Variants in FAM171A1 observed in about 807,000 individuals in gnomAD.
FAM171A1 encodes protein FAM171A1.
Under a neutral mutation model 74.9 loss-of-function variants are expected in FAM171A1, and 23 were observed. That is an observed-to-expected ratio of 0.31 (90% CI 0.22 to 0.44). FAM171A1 has a LOEUF of 0.44. FAM171A1 is among the 20% of genes least tolerant of loss of function. The pLI is 1.00. For missense variants in FAM171A1, 1,162 were observed against 1,159.2 expected, an observed-to-expected ratio of 1.00 and a Z score of -0.03; for synonymous variants, 527 against 505.7, an observed-to-expected ratio of 1.04 and a Z score of -0.57.
intron 5 of FAM171A1, among the ~76,000 whole-genome samples, chr10:15,246,914 A>G (rs1267163662): frequency 6.6e-6 from 1 of 152,252 alleles, no homozygotes; most frequent in East Asian, 1.9e-4. Flanking sequence ...GCCCGAGCAC[A>G]TGCTCGTGGG....
At chr10:15,254,499 G>A (rs1834550385) in intron 4 of FAM171A1, among the ~76,000 whole-genome samples, 1 of 152,228 alleles carries the variant, frequency 6.6e-6, no homozygotes, top group African/African-American at 2.4e-5. Context: ...ACTGGTAACA[G>A]AAGAAAAGCT....
At chr10:15,263,725 A>ATCTATCTATCTGTCTG (rs1564626581) in intron 3 of FAM171A1, among the ~76,000 whole-genome samples, 1 of 122,152 alleles carries the variant, frequency 8.2e-6, no homozygotes, top group South Asian at 2.5e-4. Context: ...CTATCAATCT[A>ATCTATCTATCTGTCTG]TCTATCTATC....
chr10:15,261,472 T>C (rs1020418872), intron 3 of FAM171A1, among the ~76,000 whole-genome samples: 7 of 152,286 alleles, frequency 4.6e-5, no homozygotes, highest in Middle Eastern at 3.4e-3. Context: ...TTTAACTCCC[T>C]AAAACATCAA....
intron 1 of FAM171A1, among the ~76,000 whole-genome samples, chr10:15,306,467 C>A (rs7913862): frequency 6.6e-6 from 1 of 151,914 alleles, no homozygotes; most frequent in South Asian, 2.1e-4. Flanking sequence ...TGGGTTCAAG[C>A]GATTCTCCTG....
At chr10:15,330,713 CT>C (rs898772126) in intron 1 of FAM171A1, among the ~76,000 whole-genome samples, 1,160 of 76,734 alleles carry the variant, frequency 0.015, 8 homozygotes, top group African/African-American at 0.055. Flanking sequence ...TCTTCTTCTT[CT>C]TTTTTTTTTT....
chr10:15,212,820 C>T lies in FAM171A1; in HGVS notation c.*95G>A. 1 of 1,502,244 alleles carries T rather than the reference C, an allele frequency of 6.7e-7. No individual in the cohort carries two copies. The highest frequency in any genetic ancestry group is 9.0e-7 in the Non-Finnish European group (1 of 1,115,376). 93.1% of individuals were successfully genotyped at this position (1,502,244 alleles called of 1,614,324 possible). On this transcript the variant is annotated 3_prime_UTR_variant, in exon 8 of 8. Transcript: ENST00000378116. ...CGTCCACGTCCGTCCCACGGCTGGG[C>T]TGCCGTTCCGTTTCCTCCACGAACG...
At chr10:15,365,705 G>A (rs1392954337) in intron 1 of FAM171A1, among the ~76,000 whole-genome samples, 13 of 151,596 alleles carry the variant, frequency 8.6e-5, no homozygotes, top group Non-Finnish European at 1.6e-4. Context: ...GGGAGGCAGA[G>A]GTTGCAGTGA....
At chr10:15,281,201 G>C (rs781009694) in intron 2 of FAM171A1, among the ~76,000 whole-genome samples, 1 of 152,168 alleles carries the variant, frequency 6.6e-6, no homozygotes, top group Non-Finnish European at 1.5e-5. Flanking sequence ...GAAGCTTCCT[G>C]AGGCTTCCCC....
chr10:15,348,883 A>C (rs1176247111), intron 1 of FAM171A1, among the ~76,000 whole-genome samples: 1 of 152,130 alleles, frequency 6.6e-6, no homozygotes, highest in African/African-American at 2.4e-5. Context: ...TCATTTTATC[A>C]CACTTTCATT....
intron 5 of FAM171A1, among the ~76,000 whole-genome samples, chr10:15,248,124 C>T (rs1199142681): frequency 1.3e-5 from 2 of 152,166 alleles, no homozygotes; most frequent in Non-Finnish European, 2.9e-5. Context: ...TGTTACACAG[C>T]AGTTGATAAC....
chr10:15,283,330 C>G (rs1834993730), intron 2 of FAM171A1, among the ~76,000 whole-genome samples: 1 of 152,214 alleles, frequency 6.6e-6, no homozygotes, highest in Admixed American at 6.5e-5. Context: ...CCTTCCCTCT[C>G]TCCTGTCCAT....
At chr10:15,325,668 G>T (rs752762138) in intron 1 of FAM171A1, among the ~76,000 whole-genome samples, 2 of 152,130 alleles carry the variant, frequency 1.3e-5, no homozygotes, top group Non-Finnish European at 2.9e-5. Context: ...GTAGAATCAA[G>T]CTTTGATATT....
At chr10:15,299,359 G>T (rs1835200274) in intron 1 of FAM171A1, among the ~76,000 whole-genome samples, 2 of 152,244 alleles carry the variant, frequency 1.3e-5, no homozygotes, top group African/African-American at 2.4e-5. Flanking sequence ...CAGCTTCAAA[G>T]ATCTGTTGGA....
intron 5 of FAM171A1, among the ~76,000 whole-genome samples, chr10:15,224,941 T>C (rs924385287): frequency 5.9e-5 from 9 of 152,112 alleles, no homozygotes; most frequent in Non-Finnish European, 1.2e-4. Context: ...CCTCATATAG[T>C]TTTTCTCTCT....
At chr10:15,276,997 A>C (rs979770120) in intron 2 of FAM171A1, among the ~76,000 whole-genome samples, 1 of 152,150 alleles carries the variant, frequency 6.6e-6, no homozygotes, top group African/African-American at 2.4e-5. Flanking sequence ...AAGTTATGCT[A>C]TTTTCAAACT....
intron 5 of FAM171A1, among the ~76,000 whole-genome samples, chr10:15,233,525 T>G (rs1029412160): frequency 1.4e-5 from 2 of 142,126 alleles, no homozygotes; most frequent in African/African-American, 2.7e-5. Context: ...ATTCAGGGTG[T>G]GTGTGTGTGT....
chr10:15,230,356 G>A (rs1182788747), intron 5 of FAM171A1, among the ~76,000 whole-genome samples: 1 of 152,166 alleles, frequency 6.6e-6, no homozygotes, highest in African/African-American at 2.4e-5. Context: ...TATTTGCCCG[G>A]TGGTCAATTA....
chr10:15,248,457 C>A (rs1220404739), intron 5 of FAM171A1, among the ~76,000 whole-genome samples, 182 bp downstream of exon 5: 1 of 152,132 alleles, frequency 6.6e-6, no homozygotes, highest in Non-Finnish European at 1.5e-5. Context: ...AATGAGTTCC[C>A]AAGAGAGGGT....
chr10:15,332,986 T>C (rs1050866531), intron 1 of FAM171A1, among the ~76,000 whole-genome samples: 1 of 152,126 alleles, frequency 6.6e-6, no homozygotes, highest in Admixed American at 6.5e-5. Flanking sequence ...GCACACCAAA[T>C]ACCTCCTATA....
Sources: gnomAD v4.1 joint callset for allele counts (sites outside exome capture counted in the v4.1 genomes callset) on GRCh38, gnomAD v4.1.1 for gene constraint, MANE v1.5 for transcripts, NCBI Gene and HGNC (gene_info 2026-07-23, HGNC 2026-07-21) for gene names.